The following SLC38A11 variants were observed in gnomAD, a reference collection of about 807,000 sequenced individuals.
SLC38A11 encodes the protein putative sodium-coupled neutral amino acid transporter 11.
SLC38A11 carries 51 observed loss-of-function variants against 49.4 expected under a neutral mutation model. The ratio of observed to expected loss-of-function variants is 1.03; its 90% CI spans 0.83 to 1.30. The LOEUF is 1.30. SLC38A11 is among the 50% of genes most tolerant of loss of function. The pLI, the probability that SLC38A11 is intolerant of heterozygous loss-of-function variation, is 0.00. For missense variants in SLC38A11, 574 were observed against 556.2 expected (o/e 1.03, Z -0.32); for synonymous variants, 203 against 192.9 (o/e 1.05, Z -0.43).
intron 7 of SLC38A11, among the ~76,000 whole-genome samples, chr2:164,934,213 C>G (rs956792242): frequency 6.6e-6 from 1 of 152,008 alleles, no homozygotes; most frequent in Non-Finnish European, 1.5e-5. Context: ...TTTTATTTCT[C>G]TATGTATTCA....
chr2:164,933,711 G>A (rs1042263216), intron 7 of SLC38A11, among the ~76,000 whole-genome samples: 1 of 152,004 alleles, frequency 6.6e-6, no homozygotes, highest in Non-Finnish European at 1.5e-5. Flanking sequence ...CACACATGGA[G>A]TATTGAATTT....
At chr2:164,911,388 C>T (rs1685388860) in intron 10 of SLC38A11, among the ~76,000 whole-genome samples, 2 of 152,058 alleles carry the variant, frequency 1.3e-5, no homozygotes, top group South Asian at 2.1e-4. Flanking sequence ...TTTGTGCTCA[C>T]AGAAATATAA....
chr2:164,944,441 T>G, intron 5 of SLC38A11, 128 bp downstream of exon 5: 5 of 374,794 alleles, frequency 1.3e-5, no homozygotes, highest in Non-Finnish European at 1.4e-5. Flanking sequence ...ATGGATATTG[T>G]GAGATACCTG....
At position 164,912,989 on chromosome 2, in the gene SLC38A11, G is replaced by A. The variant is rs566569215; in HGVS notation, c.851-1241C>T. On this transcript the variant is annotated intron_variant, in intron 9 of 11. Transcript: ENST00000685975. ...AACGTGCTTAAATGTTAAAATTGTG[G>A]TAACCTTTTTAAAATTAAACTTAAT... 1.1e-4 allele frequency among the ~76,000 whole-genome samples: 17 copies of A among 152,082 alleles called. No individual in the cohort carries two copies. In the South Asian group the frequency reaches 3.5e-3, roughly 32 times the overall value.
At chr2:164,950,289 T>C (rs1688435253) in intron 3 of SLC38A11, among the ~76,000 whole-genome samples, 1 of 152,222 alleles carries the variant, frequency 6.6e-6, no homozygotes, top group Non-Finnish European at 1.5e-5. Context: ...ACAATTTATA[T>C]ACTTATGTCA....
At chr2:164,939,859 T>A (rs977370896) in intron 5 of SLC38A11, among the ~76,000 whole-genome samples, 12 of 151,954 alleles carry the variant, frequency 7.9e-5, no homozygotes, top group East Asian at 1.9e-4. Context: ...CTTCTTAGAG[T>A]ACACTCTTAA....
intron 7 of SLC38A11, among the ~76,000 whole-genome samples, chr2:164,929,599 A>G (rs535055071): frequency 6.6e-5 from 10 of 152,308 alleles, no homozygotes; most frequent in Admixed American, 2.6e-4. Context: ...CAGGAAGCAC[A>G]GACAGATGGT....
chr2:164,914,659 GA>G (rs1229569034), intron 9 of SLC38A11, among the ~76,000 whole-genome samples: 7 of 150,752 alleles, frequency 4.6e-5, no homozygotes, highest in Admixed American at 1.3e-4. Context: ...AAAGAAAACA[GA>G]AAAAAAATTA....
rs562070367 is a variant in SLC38A11, at chr2:164,894,358, T to C, written c.*4079A>G. ...CTATCATAAAAATGCCAAAGCTAAA[T>C]GTATTGATAATCTTTATTATCAATG... On this transcript the variant is annotated 3_prime_UTR_variant, in exon 12 of 12. Transcript: ENST00000685975. Among the ~76,000 whole-genome samples, 1 of 152,316 alleles carries C rather than the reference T, an allele frequency of 6.6e-6. No homozygotes were observed. The highest frequency in any genetic ancestry group is 1.9e-4 in the East Asian group (1 of 5,190).
At chr2:164,953,488 T>C (rs1206899477) in intron 2 of SLC38A11, among the ~76,000 whole-genome samples, 2 of 152,202 alleles carry the variant, frequency 1.3e-5, no homozygotes, top group African/African-American at 4.8e-5. Flanking sequence ...CGGCTTAACT[T>C]AACACGTTCA....
chr2:164,937,729 G>T, intron 6 of SLC38A11: 1 of 197,930 alleles, frequency 5.1e-6, no homozygotes, highest in Non-Finnish European at 1.0e-5. Context: ...CAAAACTGGT[G>T]ATTTTAGCTT....
At chr2:164,918,360 A>G (rs1685948400) in intron 7 of SLC38A11, among the ~76,000 whole-genome samples, 1 of 152,108 alleles carries the variant, frequency 6.6e-6, no homozygotes, top group Non-Finnish European at 1.5e-5. Context: ...GGTGTAATTT[A>G]CCACATTAAC....
intron 2 of SLC38A11, 99 bp from the exon 3 acceptor site, chr2:164,952,880 T>C: frequency 1.2e-6 from 1 of 805,642 alleles, no homozygotes; most frequent in Non-Finnish European, 2.1e-6. Flanking sequence ...GTAAAGTCAA[T>C]TTATATACTT....
chr2:164,930,360 C>CA (rs1686910910), intron 7 of SLC38A11, among the ~76,000 whole-genome samples: 1 of 151,780 alleles, frequency 6.6e-6, no homozygotes, highest in Non-Finnish European at 1.5e-5. Context: ...GAAGCTGTTC[C>CA]AAAAAATTGA....
chr2:164,943,140 G>C (rs1195669656), intron 5 of SLC38A11, among the ~76,000 whole-genome samples: 1 of 152,168 alleles, frequency 6.6e-6, no homozygotes, highest in Non-Finnish European at 1.5e-5. Flanking sequence ...ACCATAGAGA[G>C]TTTCACAATG....
chr2:164,947,458 A>G lies in SLC38A11; in HGVS notation c.230-1731T>C, dbSNP rs117738774. ...TTTTTCTCACCCTTCAAGATGTACT[A>G]GTGTGATCTCACTTATGCTGTGGTT... is the stretch of plus-strand genomic sequence containing the variant. On this transcript the variant is annotated intron_variant, in intron 3 of 11. Transcript: ENST00000685975. Among the ~76,000 whole-genome samples, 172 of 152,018 alleles carry G rather than the reference A, an allele frequency of 1.1e-3. 12 individuals carry two copies. In the East Asian group the frequency reaches 0.033, roughly 29 times the overall value.
rs1451686785 is a variant in SLC38A11 at position 164,896,103 on chromosome 2, G to A, written c.*2334C>T. The stretch of plus-strand genomic sequence containing the variant: ...CAGGGGAATCTCTTATTGAACTGAG[G>A]CAGAAAATAGATTGAGGGGTGGGGT... On this transcript the variant is annotated 3_prime_UTR_variant, in exon 12 of 12. Coordinates refer to ENST00000685975, the MANE Select transcript of SLC38A11 (RefSeq NM_001351537.2). 2 of 152,102 alleles carry A rather than the reference G, an allele frequency of 1.3e-5. No homozygotes were observed. Among genetic ancestry groups the A allele is most frequent in the East Asian group, 3.9e-4 (2 of 5,190 alleles). The allele number at this position is 152,102 out of a possible 1,614,324, so 9.4% of individuals were successfully genotyped here.
At chr2:164,906,976 A>T (rs536243978) in intron 11 of SLC38A11, among the ~76,000 whole-genome samples, 17 of 152,126 alleles carry the variant, frequency 1.1e-4, no homozygotes, top group Non-Finnish European at 2.5e-4. Flanking sequence ...ATGACTTGGG[A>T]TCCCATCTGT....
Position 164,899,308 on chromosome 2 carries a change from A to T in SLC38A11, c.1096-578T>A, listed in dbSNP as rs1684504275. On this transcript the variant is annotated intron_variant, in intron 11 of 11. Coordinates refer to ENST00000685975, the MANE Select transcript of SLC38A11 (RefSeq NM_001351537.2). ...AATCCTCTTTCAAATAAAAGTAAGC[A>T]CATTAATTACTGAGAAAGTTGACAG... Among the ~76,000 whole-genome samples, 5 of 152,162 alleles carry T rather than the reference A, an allele frequency of 3.3e-5. No individual in the cohort carries two copies. The South Asian group carries it at 1.0e-3, about 31-fold the overall frequency.
Sources: gnomAD v4.1 joint callset for allele counts (sites outside exome capture counted in the v4.1 genomes callset) on GRCh38, gnomAD v4.1.1 for gene constraint, MANE v1.5 for transcripts, NCBI Gene and HGNC (gene_info 2026-07-23, HGNC 2026-07-21) for gene names.